NEU3: variants seen among roughly 807,000 people sequenced by gnomAD.
NEU3 encodes neuraminidase 3, also known as sialidase-3.
Under a neutral mutation model 11.4 loss-of-function variants are expected in NEU3, and 10 were observed. That is an observed-to-expected ratio of 0.88 (90% CI 0.54 to 1.49). NEU3 has a LOEUF of 1.49. Ranked by LOEUF, NEU3 falls within the 40% of genes most tolerant of loss-of-function variation. The probability of loss-of-function intolerance (pLI) is 0.00; values close to 1 mark genes in which losing one functional copy is unlikely to be tolerated. For missense variants in NEU3, 529 were observed against 581.8 expected (o/e 0.91, Z 0.93); for synonymous variants, 212 against 228.2 (o/e 0.93, Z 0.64).
downstream of NEU3, among the ~76,000 whole-genome samples, chr11:75,011,132 G>T (rs150007902): frequency 9.2e-5 from 14 of 152,254 alleles, no homozygotes; most frequent in Admixed American, 8.5e-4. Flanking sequence ...GCCTGCTTAC[G>T]GAATACAATG....
intron 1 of NEU3, among the ~76,000 whole-genome samples, chr11:74,992,117 T>C (rs1402706984): frequency 6.6e-6 from 1 of 152,244 alleles, no homozygotes; most frequent in Non-Finnish European, 1.5e-5. Context: ...GGGAGCGTTA[T>C]GTGGCTATCT....
At chr11:74,993,353 G>A (rs1252424880) in intron 1 of NEU3, among the ~76,000 whole-genome samples, 1 of 152,142 alleles carries the variant, frequency 6.6e-6, no homozygotes, top group Non-Finnish European at 1.5e-5. Flanking sequence ...ACAGGTGCCT[G>A]CCAGCACACC....
In NEU3 at chr11:75,007,194, G is replaced by A. The variant is rs1446333128; in HGVS notation, c.*702G>A. On this transcript the variant is annotated 3_prime_UTR_variant, in exon 3 of 3. Transcript: ENST00000294064. ...GAGAACAATGAGAATCTCAATGCCA[G>A]TAGTACTGGATAATAGTGCGTATTG... The A allele has an allele frequency of 6.6e-5, 10 of 152,242 alleles. No homozygotes were observed. The South Asian group carries it at 1.9e-3, about 28-fold the overall frequency. 9.4% of individuals were successfully genotyped at this position (152,242 alleles called of 1,614,324 possible).
At chr11:75,019,739 G>A (rs954106910), downstream of NEU3, among the ~76,000 whole-genome samples, 4 of 152,190 alleles carry the variant, frequency 2.6e-5, no homozygotes, top group African/African-American at 9.6e-5. Flanking sequence ...GTTTGCTGCA[G>A]GGGCAGGGCT....
downstream of NEU3, among the ~76,000 whole-genome samples, chr11:75,015,132 G>A (rs1442740740): frequency 6.6e-6 from 1 of 152,108 alleles, no homozygotes; most frequent in Admixed American, 6.5e-5. Context: ...CTTAAGAGGT[G>A]GGGTCTTTGG....
rs929023903 is a variant in NEU3, at chr11:75,008,399, A to AG, written c.*1911dup. 4 of 152,138 alleles carry AG rather than the reference A, an allele frequency of 2.6e-5. No homozygotes were observed. Among genetic ancestry groups the AG allele is most frequent in the African/African-American group, 9.7e-5 (4 of 41,382 alleles). 9.4% of individuals were successfully genotyped at this position (152,138 alleles called of 1,614,324 possible). On this transcript the variant is annotated 3_prime_UTR_variant, in exon 3 of 3. Transcript: ENST00000294064. Reference sequence around the variant, plus strand: ...GATTGGTGCAGGGAGGAATTGGGGAAGGGGAGAGGATTAAAAGGGCAGCCC... The same window carrying AG: ...GATTGGTGCAGGGAGGAATTGGGGAAGGGGGAGAGGATTAAAAGGGCAGCCC...
At chr11:74,981,601 C>G in the NEU3 span, among the ~76,000 whole-genome samples, 2 of 152,064 alleles carry the variant, frequency 1.3e-5, no homozygotes, top group Non-Finnish European at 2.9e-5. Flanking sequence ...ATGTTGCTGG[C>G]TATACCATAA....
chr11:74,997,935 G>C (rs1008350347), intron 2 of NEU3, among the ~76,000 whole-genome samples: 2 of 152,138 alleles, frequency 1.3e-5, no homozygotes, highest in African/African-American at 4.8e-5. Flanking sequence ...CTATCGGCCT[G>C]TCTTGGCTTT....
chr11:74,991,236 C>CTCTA (rs1366181068), intron 1 of NEU3, among the ~76,000 whole-genome samples: 1 of 152,168 alleles, frequency 6.6e-6, no homozygotes, highest in East Asian at 1.9e-4. Context: ...GAGAAGTATG[C>CTCTA]TCTAGTATTG....
Position 75,007,732 on chromosome 11 carries a change from C to T in NEU3, c.*1240C>T, listed in dbSNP as rs1167854043. Reference sequence around the variant, plus strand: ...GTGCTGAACTTAGTTCATGCTGAGTCTCTCAGATGATACCACGTTGGTTGT... The same window carrying T: ...GTGCTGAACTTAGTTCATGCTGAGTTTCTCAGATGATACCACGTTGGTTGT... On this transcript the variant is annotated 3_prime_UTR_variant, in exon 3 of 3. Transcript: ENST00000294064. The T allele has an allele frequency of 6.6e-6, 1 of 151,296 alleles. No individual in the cohort carries two copies. The highest frequency in any genetic ancestry group is 1.5e-5 in the Non-Finnish European group (1 of 67,486). 9.4% of individuals were successfully genotyped at this position (151,296 alleles called of 1,614,324 possible). A position where few individuals can be genotyped will look rare whatever the true frequency, so the allele number is the denominator to read the frequency against.
At chr11:74,989,862 G>A in intron 1 of NEU3, 2 of 657,630 alleles carry the variant, frequency 3.0e-6, no homozygotes, top group Non-Finnish European at 5.5e-6. Flanking sequence ...AGGACTTGAT[G>A]GGAAAGTGAT....
chr11:74,992,832 C>T (rs917852621), intron 1 of NEU3, among the ~76,000 whole-genome samples: 11 of 152,168 alleles, frequency 7.2e-5, no homozygotes, highest in Non-Finnish European at 1.3e-4. Context: ...TGCTGGCGGG[C>T]GCTTGCAATC....
At chr11:75,001,274 C>CTTTTTTTTTTTTTTTTTTTTTTT (rs1282736676) in intron 2 of NEU3, among the ~76,000 whole-genome samples, 1 of 139,436 alleles carries the variant, frequency 7.2e-6, no homozygotes, top group Non-Finnish European at 1.6e-5. Context: ...TTTTCTTTTT[C>CTTTTTTTTTTTTTTTTTTTTTTT]TTTTTTTTTT....
intron 1 of NEU3, among the ~76,000 whole-genome samples, chr11:74,993,714 C>G (rs925615655): frequency 3.1e-4 from 47 of 152,088 alleles, no homozygotes; most frequent in African/African-American, 1.1e-3. Context: ...TCCGAGAAAT[C>G]CAAGGTCCAG....
At chr11:74,985,466 T>A (rs1948659931), upstream of NEU3, among the ~76,000 whole-genome samples, 1 of 152,326 alleles carries the variant, frequency 6.6e-6, no homozygotes, top group Admixed American at 6.5e-5. Context: ...GGTTATTTTT[T>A]AATTTTATTT....
rs1309190640 is a variant in NEU3 at position 75,007,677 on chromosome 11, G to T, written c.*1185G>T. ...GCCCATGGAAATCACTACTTGTGAA[G>T]TAGAGATGCCTTTTTGTCTAATGGT... On this transcript the variant is annotated 3_prime_UTR_variant, in exon 3 of 3. Coordinates refer to ENST00000294064, the MANE Select transcript of NEU3 (RefSeq NM_006656.6). 6.6e-6 allele frequency: 1 copy of T among 152,240 alleles called. No homozygotes were observed. The highest frequency in any genetic ancestry group is 2.4e-5 in the African/African-American group (1 of 41,456). 9.4% of individuals were successfully genotyped at this position (152,240 alleles called of 1,614,324 possible).
In NEU3 at chr11:75,006,274, T is replaced by C; in HGVS notation, c.1168T>C (p.Trp390Arg). The change falls in exon 3 of 3, where the codon TGG (tryptophan) becomes CGG (arginine). Residue 390 changes from tryptophan to arginine, a missense_variant. Coordinates refer to ENST00000294064, the MANE Select transcript of NEU3 (RefSeq NM_006656.6). ...LNQTPLEAAC[W>R]SRPWILHCGP... ...CCAGACCCCCTTGGAGGCTGCCTGC[T>C]GGTCCCGCCCCTGGATCTTGCACTG... 1 of 1,614,022 alleles carries C rather than the reference T, an allele frequency of 6.2e-7. No homozygotes were observed. The highest frequency in any genetic ancestry group is 8.5e-7 in the Non-Finnish European group (1 of 1,179,888).
rs1565497122 is a variant in NEU3, at chr11:75,005,472, CT to C, written c.367del (p.Cys123ValfsTer52). On this transcript the variant is annotated frameshift_variant, in exon 3 of 3. Coordinates refer to ENST00000294064, the MANE Select transcript of NEU3 (RefSeq NM_006656.6). LOFTEE classifies it low-confidence loss of function (END_TRUNC). ...TACCGGGGCATCGGACCATGAACCC[CT>C]GTCCTGTATGGGAGCAGAAGAGTGG... Reference protein sequence around the residue: ...TLPGHRTMNPCPVWEQKSGCV... With the variant: ...TLPGHRTMNPXPVWEQKSGCV... 6.2e-7 allele frequency: 1 copy of C among 1,613,986 alleles called. No individual in the cohort carries two copies.
upstream of NEU3, among the ~76,000 whole-genome samples, chr11:74,984,635 C>T (rs1789566509): frequency 6.6e-6 from 1 of 152,178 alleles, no homozygotes; most frequent in Admixed American, 6.5e-5. Flanking sequence ...CCCGATATTC[C>T]TGTGCCATCT....
Sources: allele counts gnomAD v4.1 joint callset (sites outside exome capture counted in the v4.1 genomes callset), GRCh38; gene constraint gnomAD v4.1.1; transcripts MANE v1.5; gene names NCBI Gene and HGNC (gene_info 2026-07-23, HGNC 2026-07-21).